Variants in RASA3 observed in about 807,000 individuals in gnomAD.
RASA3 encodes RAS p21 protein activator 3.
RASA3 carries 73 observed loss-of-function variants against 110.0 expected under a neutral mutation model. The ratio of observed to expected loss-of-function variants is 0.66; its 90% CI spans 0.55 to 0.81. The LOEUF is 0.81. Among genes scored for constraint, RASA3 ranks in the 30% least tolerant of loss-of-function variants. The probability of loss-of-function intolerance (pLI) is 0.00; values close to 1 mark genes in which losing one functional copy is unlikely to be tolerated. For synonymous variants in RASA3, 500 were observed against 451.4 expected (o/e 1.11, Z -1.37); for missense variants, 976 against 1,113.2 (o/e 0.88, Z 1.75).
chr13:114,106,607 C>T (rs1197434852), intron 1 of RASA3, among the ~76,000 whole-genome samples: 1 of 151,958 alleles, frequency 6.6e-6, no homozygotes, highest in African/African-American at 2.4e-5. Context: ...GAAATTCACA[C>T]CCAAGTCCCA....
chr13:114,027,051 T>G (rs969209609), intron 7 of RASA3, among the ~76,000 whole-genome samples: 12 of 152,348 alleles, frequency 7.9e-5, no homozygotes, highest in Admixed American at 5.9e-4. Flanking sequence ...CCTGGTAATT[T>G]GGAAAGCATT....
chr13:114,059,531 A>G (rs2079302036), intron 2 of RASA3, among the ~76,000 whole-genome samples: 1 of 152,242 alleles, frequency 6.6e-6, no homozygotes, highest in South Asian at 2.1e-4. Flanking sequence ...CTGCCTTGCC[A>G]GAGGCCAGTT....
rs2139238263 is a variant in RASA3, at chr13:114,011,101, A to G, written c.1590+70T>C. 1.5e-6 allele frequency: 2 copies of G among 1,370,502 alleles called. No individual in the cohort carries two copies. The highest frequency in any genetic ancestry group is 2.1e-6 in the Non-Finnish European group (2 of 972,072). The allele number at this position is 1,370,502 out of a possible 1,614,324, so 84.9% of individuals were successfully genotyped here. A position where few individuals can be genotyped will look rare whatever the true frequency, so the allele number is the denominator to read the frequency against. ...CTCTCTCAAATGTGGGAGGTTTTTCACGTGTATTTTCTGAAGAGAGAAAAG... is the reference window on the plus strand; with the variant it reads ...CTCTCTCAAATGTGGGAGGTTTTTCGCGTGTATTTTCTGAAGAGAGAAAAG... On this transcript the variant is annotated intron_variant, in intron 16 of 23. Transcript: ENST00000334062. This position sits in a 1 kb window ranked among gnomAD's most constrained non-coding sequence, Gnocchi z 4.8.
chr13:114,010,937 C>T (rs994459105), intron 16 of RASA3, among the ~76,000 whole-genome samples: 4 of 150,206 alleles, frequency 2.7e-5, no homozygotes, highest in African/African-American at 4.8e-5. Context: ...GCCACGGGGC[C>T]GGCGACGAGC....
chr13:114,077,995 A>G (rs2139685483), intron 1 of RASA3: 1 of 961,072 alleles, frequency 1.0e-6, no homozygotes, highest in Non-Finnish European at 1.2e-6. Flanking sequence ...TGAAACAGAA[A>G]AAAAAAAAAA....
intron 4 of RASA3, among the ~76,000 whole-genome samples, chr13:114,032,386 C>T (rs1171667938): frequency 1.3e-5 from 2 of 152,262 alleles, no homozygotes; most frequent in East Asian, 1.9e-4. Context: ...ATGGGCCACA[C>T]GTCGTGATGT....
chr13:113,980,412 A>C (rs2052902612), intron 23 of RASA3, among the ~76,000 whole-genome samples: 1 of 113,826 alleles, frequency 8.8e-6, no homozygotes, highest in African/African-American at 3.4e-5. Context: ...ACCTCCTCCC[A>C]CGTGTTCACC....
Position 114,100,690 on chromosome 13 carries a change from G to A in RASA3, c.56-26853C>T, listed in dbSNP as rs541505567. On this transcript the variant is annotated intron_variant, in intron 1 of 23. Transcript: ENST00000334062. ...CACCTGGGCAAACAGCCTCAACTCG[G>A]AAAATCCCAGGCTGGTTCGGTCTCT... Among the ~76,000 whole-genome samples the A allele has an allele frequency of 2.0e-5, 3 of 152,300 alleles. No homozygotes were observed. The South Asian group carries it at 6.2e-4, about 32-fold the overall frequency.
chr13:114,001,428 C>T (rs941907446), intron 18 of RASA3, among the ~76,000 whole-genome samples: 21 of 139,336 alleles, frequency 1.5e-4, no homozygotes, highest in African/African-American at 3.5e-4. Context: ...AGAGGACCTA[C>T]GGCCGCGGGC....
chr13:114,028,077 G>T (rs550179051), intron 5 of RASA3, 150 bp from the exon 6 acceptor site: 1 of 649,858 alleles, frequency 1.5e-6, no homozygotes, highest in Non-Finnish European at 2.7e-6. Context: ...CAGCCATTCT[G>T]CCTCGGTGTG....
At chr13:114,064,144 T>C (rs1019399838) in intron 2 of RASA3, among the ~76,000 whole-genome samples, 3 of 152,234 alleles carry the variant, frequency 2.0e-5, no homozygotes, top group Non-Finnish European at 2.9e-5. Context: ...TGGGTGACTA[T>C]GGACCTGTGA....
chr13:114,027,882 G>T lies in RASA3; in HGVS notation c.495C>A (p.Asp165Glu), dbSNP rs766589668. Residue 165 changes from aspartate (D) to glutamate (E), a missense_variant, in exon 6 of 24, where the codon GAC (aspartate) becomes GAA (glutamate). This residue lies in a region of RASA3 where 732 missense variants were observed against 779.7 expected (regional missense o/e 0.94). Coordinates refer to ENST00000334062, the MANE Select transcript of RASA3 (RefSeq NM_007368.4). ...CTGCCAGCGTCACGGTGGCGTAGGG[G>T]TCACATTGCCCATTCACGATGGGGA... is the stretch of plus-strand genomic sequence containing the variant. ...QGLPIVNGQCDPYATVTLAGP... is the reference protein window; with the variant it reads ...QGLPIVNGQCEPYATVTLAGP... 2 of 1,613,822 alleles carry T rather than the reference G, an allele frequency of 1.2e-6. No individual in the cohort carries two copies. The highest frequency in any genetic ancestry group is 1.7e-6 in the Non-Finnish European group (2 of 1,180,026).
rs1342308784 is a variant in RASA3 at position 114,011,958 on chromosome 13, C to T, written c.1513-710G>A. 6.6e-6 allele frequency among the ~76,000 whole-genome samples: 1 copy of T among 151,960 alleles called. No homozygotes were observed. The highest frequency in any genetic ancestry group is 1.5e-5 in the Non-Finnish European group (1 of 67,984). ...GTGCTGGGGAATGGGCAATCCCTCA[C>T]GTCCTCTCGCCCTGGCCATCTCCTT... On this transcript the variant is annotated intron_variant, in intron 15 of 23. Coordinates refer to ENST00000334062, the MANE Select transcript of RASA3 (RefSeq NM_007368.4). The surrounding 1 kb of genome is among the most constrained non-coding windows in gnomAD (Gnocchi z 4.8).
chr13:114,097,330 A>G (rs1257591460), intron 1 of RASA3, among the ~76,000 whole-genome samples: 1 of 152,222 alleles, frequency 6.6e-6, no homozygotes, highest in African/African-American at 2.4e-5. Flanking sequence ...CAAGTCTACA[A>G]GCAGCCGGCA....
Position 114,089,439 on chromosome 13 carries a change from G to A in RASA3, c.56-15602C>T, listed in dbSNP as rs372937665. ...GGCAGGAGGCGGCCACCTGAGCCCC[G>A]CACAGGTGCCCGGCAAGCCCAGGCA... On this transcript the variant is annotated intron_variant, in intron 1 of 23. Transcript: ENST00000334062. Among the ~76,000 whole-genome samples the A allele has an allele frequency of 2.0e-4, 31 of 151,946 alleles. 1 individual carries two copies. The highest frequency in any genetic ancestry group is 1.2e-3 in the South Asian group (6 of 4,814).
chr13:114,087,807 G>A (rs745983420), intron 1 of RASA3, among the ~76,000 whole-genome samples: 1 of 152,244 alleles, frequency 6.6e-6, no homozygotes, highest in Non-Finnish European at 1.5e-5. Context: ...GCCTGATTCT[G>A]GGAGCAGCAT....
chr13:114,021,795 G>A (rs879198797), intron 8 of RASA3, among the ~76,000 whole-genome samples: 1 of 152,122 alleles, frequency 6.6e-6, no homozygotes, highest in Admixed American at 6.5e-5. Context: ...CCTGGGCATC[G>A]CTGCGTGCAC....
At chr13:114,098,080 GC>G (rs2079969219) in intron 1 of RASA3, among the ~76,000 whole-genome samples, 1 of 152,118 alleles carries the variant, frequency 6.6e-6, no homozygotes, top group African/African-American at 2.4e-5. Context: ...CAGGCCGGCT[GC>G]CAGCACAGAG....
At chr13:114,073,582 C>T (rs890192048) in intron 2 of RASA3, 138 bp downstream of exon 2, 3 of 745,648 alleles carry the variant, frequency 4.0e-6, no homozygotes, top group Admixed American at 4.0e-5. Flanking sequence ...TCCCTACATG[C>T]GGGAAAACGG....
Sources: allele counts gnomAD v4.1 joint callset (sites outside exome capture counted in the v4.1 genomes callset), GRCh38; gene constraint gnomAD v4.1.1; regional missense constraint gnomAD v4.1.1; non-coding constraint Gnocchi (gnomAD v3.1); transcripts MANE v1.5; gene names NCBI Gene and HGNC (gene_info 2026-07-23, HGNC 2026-07-21).